The following KIFC1 variants were observed in gnomAD, a reference collection of about 807,000 sequenced individuals.
KIFC1 encodes the protein kinesin family member C1.
Under a neutral mutation model 66.6 loss-of-function variants are expected in KIFC1, and 37 were observed. That is an observed-to-expected ratio of 0.56 (90% CI 0.43 to 0.73). The LOEUF (loss-of-function observed/expected upper bound fraction) is 0.73, where lower values mean the gene tolerates loss of function less well. Ranked by LOEUF, KIFC1 falls within the 30% of genes least tolerant of loss-of-function variation. The pLI is 0.00. For missense variants in KIFC1, 721 were observed against 859.8 expected, an observed-to-expected ratio of 0.84 and a Z score of 2.02; for synonymous variants, 325 against 343.5, an observed-to-expected ratio of 0.95 and a Z score of 0.60.
intron 1 of KIFC1, among the ~76,000 whole-genome samples, chr6:33,394,202 G>A (rs1315928606): frequency 1.3e-5 from 2 of 152,146 alleles, no homozygotes; most frequent in South Asian, 2.1e-4. Flanking sequence ...GAGAACCACT[G>A]GTTTATGATA....
intron 1 of KIFC1, among the ~76,000 whole-genome samples, chr6:33,396,684 C>A (rs1014635535): frequency 4.6e-4 from 61 of 133,690 alleles, no homozygotes; most frequent in African/African-American, 1.4e-3. Context: ...GAATTAATTT[C>A]TTTTTTTTTT....
Position 33,404,930 on chromosome 6 carries a change from C to G in KIFC1, c.835C>G (p.Gln279Glu), listed in dbSNP as rs1463928185. Residue 279 changes from glutamine (Q) to glutamate (E), a missense_variant, in exon 7 of 11, where the codon CAG becomes GAG. By Grantham distance (29) the Gln-to-Glu change is conservative. Coordinates refer to ENST00000428849, the MANE Select transcript of KIFC1 (RefSeq NM_002263.4). This position sits in a 1 kb window ranked among gnomAD's most constrained non-coding sequence, Gnocchi z 4.0. ...VASLRQETVA[Q>E]AALLTEREER... is the part of the protein sequence containing the mutation. ...ATCTCTGCGGCAGGAGACTGTGGCCCAGGCAGCCTTACTGACTGAGCGGGA... is the reference window on the plus strand; with the variant it reads ...ATCTCTGCGGCAGGAGACTGTGGCCGAGGCAGCCTTACTGACTGAGCGGGA... 1 of 1,614,038 alleles carries G rather than the reference C, an allele frequency of 6.2e-7. No individual in the cohort carries two copies. The highest frequency in any genetic ancestry group is 8.5e-7 in the Non-Finnish European group (1 of 1,180,042).
rs756592720 is a variant in KIFC1 at position 33,406,549 on chromosome 6, C to A, written c.1828-43C>A. 6.2e-7 allele frequency: 1 copy of A among 1,613,176 alleles called. No homozygotes were observed. Among genetic ancestry groups the A allele is most frequent in the Admixed American group, 1.7e-5 (1 of 59,978 alleles). ...GACAGTTGGGGTTGGCTGTGCAGAA[C>A]CCTGCCTATTCCTAAACATCTGTCC... On this transcript the variant is annotated intron_variant, in intron 8 of 10. Transcript: ENST00000428849. The surrounding 1 kb of genome is among the most constrained non-coding windows in gnomAD (Gnocchi z 4.5).
rs45588832 is a variant in KIFC1 at position 33,391,857 on chromosome 6, G to A, written c.-129G>A. The A allele has an allele frequency of 1.8e-6, 2 of 1,123,116 alleles. No individual in the cohort carries two copies. Among genetic ancestry groups the A allele is most frequent in the Admixed American group, 4.0e-5 (2 of 49,860 alleles). 69.6% of individuals were successfully genotyped at this position (1,123,116 alleles called of 1,614,324 possible). A position where few individuals can be genotyped will look rare whatever the true frequency, so the allele number is the denominator to read the frequency against. ...AAGTGGCGGGTGTGGCGCGGGGCTGGTAGCGGCCGGAGCCGTGCGAGTTCT... is the reference window on the plus strand; with the variant it reads ...AAGTGGCGGGTGTGGCGCGGGGCTGATAGCGGCCGGAGCCGTGCGAGTTCT... On this transcript the variant is annotated 5_prime_UTR_variant, in exon 1 of 11. Coordinates refer to ENST00000428849, the MANE Select transcript of KIFC1 (RefSeq NM_002263.4).
rs776006873 is a variant in KIFC1, at chr6:33,405,469, A to G, written c.1374A>G (p.Val458=). 6.2e-7 allele frequency: 1 copy of G among 1,610,906 alleles called. No homozygotes were observed. Among genetic ancestry groups the G allele is most frequent in the Non-Finnish European group, 8.5e-7 (1 of 1,178,204 alleles). The change falls in exon 7 of 11, where the codon GTA becomes GTG. Residue 458 remains valine (V), a synonymous_variant. Transcript: ENST00000428849. The surrounding 1 kb of genome is among the most constrained non-coding windows in gnomAD (Gnocchi z 5.4). ...LSGQGWTYSF[V]ASYVEIYNET... is the part of the protein sequence containing the mutation. Reference sequence around the variant, plus strand: ...GTCAGGGCTGGACCTACAGCTTTGTAGCAAGCTACGTAGAGATCTACAATG... The same window carrying G: ...GTCAGGGCTGGACCTACAGCTTTGTGGCAAGCTACGTAGAGATCTACAATG...
intron 10 of KIFC1, 185 bp downstream of exon 10, chr6:33,407,060 G>T: frequency 7.1e-7 from 1 of 1,415,406 alleles, no homozygotes. Flanking sequence ...TTTAAAAAAC[G>T]GGTGATTAAT....
In KIFC1 at chr6:33,409,857, GTT is replaced by G; in HGVS notation, c.*176_*177del. On this transcript the variant is annotated 3_prime_UTR_variant, in exon 11 of 11. Coordinates refer to ENST00000428849, the MANE Select transcript of KIFC1 (RefSeq NM_002263.4). ...GGGCTATCAAATAAAGAATAGTTTG[GTT>G]TTTTTTTTAAATAAAGGTTTTATTA... 1.7e-6 allele frequency: 1 copy of G among 604,048 alleles called. No individual in the cohort carries two copies. Among genetic ancestry groups the G allele is most frequent in the Non-Finnish European group, 2.7e-6 (1 of 364,186 alleles). 37.4% of individuals were successfully genotyped at this position (604,048 alleles called of 1,614,324 possible). A position where few individuals can be genotyped will look rare whatever the true frequency, so the allele number is the denominator to read the frequency against.
rs768229496 is a variant in KIFC1 at position 33,404,989 on chromosome 6, G to A, written c.894G>A (p.Arg298=). Residue 298 remains arginine (R), a synonymous_variant, in exon 7 of 11, where the codon CGG becomes CGA. Transcript: ENST00000428849. The surrounding 1 kb of genome is among the most constrained non-coding windows in gnomAD (Gnocchi z 4.0). ...ERLHGLEMER[R]RLHNQLQELK... ...TTCATGGGCTAGAAATGGAGCGCCGGCGACTGCACAACCAGCTGCAGGAAC... is the reference window on the plus strand; with the variant it reads ...TTCATGGGCTAGAAATGGAGCGCCGACGACTGCACAACCAGCTGCAGGAAC... 9.9e-6 allele frequency: 16 copies of A among 1,613,976 alleles called. No homozygotes were observed. In the East Asian group the frequency reaches 2.2e-4, roughly 22 times the overall value.
At chr6:33,402,284 A>G (rs1775410068) in intron 3 of KIFC1, among the ~76,000 whole-genome samples, 1 of 152,232 alleles carries the variant, frequency 6.6e-6, no homozygotes, top group South Asian at 2.1e-4. Flanking sequence ...ACTAGGCAAT[A>G]GGAATTTTTA....
In KIFC1 at chr6:33,406,588, C is replaced by T. The variant is rs1171497419; in HGVS notation, c.1828-4C>T. ...AAACATCTGTCCCCACCTCAATCATCTAGGAGTCCCACGTGCCTTACCGGA... is the reference window on the plus strand; with the variant it reads ...AAACATCTGTCCCCACCTCAATCATTTAGGAGTCCCACGTGCCTTACCGGA... On this transcript the variant is annotated splice_region_variant and splice_polypyrimidine_tract_variant and intron_variant, in intron 8 of 10. Transcript: ENST00000428849. This position sits in a 1 kb window ranked among gnomAD's most constrained non-coding sequence, Gnocchi z 4.5. The T allele has an allele frequency of 1.2e-6, 2 of 1,614,064 alleles. No individual in the cohort carries two copies. The highest frequency in any genetic ancestry group is 2.2e-5 in the East Asian group (1 of 44,890).
intron 3 of KIFC1, among the ~76,000 whole-genome samples, chr6:33,402,891 G>A (rs1184647610): frequency 6.6e-6 from 1 of 152,202 alleles, no homozygotes; most frequent in Non-Finnish European, 1.5e-5. Context: ...GGAGGCTGAG[G>A]CGGGAGAATC....
intron 1 of KIFC1, among the ~76,000 whole-genome samples, chr6:33,392,800 G>T (rs1486005996): frequency 2.0e-5 from 3 of 152,200 alleles, no homozygotes; most frequent in Non-Finnish European, 4.4e-5. Flanking sequence ...GTAGTATTAT[G>T]TGACAGTAAG....
rs1491259237 is a variant in KIFC1, at chr6:33,403,548, CAT to C, written c.355+15_355+16del. The stretch of plus-strand genomic sequence containing the variant: ...CAGAAGTCTGGCAGTAAGTGACAAA[CAT>C]AACCACTGGGTGAGAGGCTGGGATA... On this transcript the variant is annotated intron_variant, in intron 5 of 10. Coordinates refer to ENST00000428849, the MANE Select transcript of KIFC1 (RefSeq NM_002263.4). This position sits in a 1 kb window ranked among gnomAD's most constrained non-coding sequence, Gnocchi z 4.6. The C allele has an allele frequency of 6.2e-7, 1 of 1,613,498 alleles. No homozygotes were observed. The highest frequency in any genetic ancestry group is 8.5e-7 in the Non-Finnish European group (1 of 1,179,390).
upstream of KIFC1, chr6:33,391,706 C>T (rs187177129): frequency 4.4e-5 from 26 of 592,584 alleles, 1 homozygote; most frequent in South Asian, 2.8e-4. Flanking sequence ...GACAAGGCGC[C>T]TGTCGGGCGG....
At position 33,409,875 on chromosome 6, in the gene KIFC1, G is replaced by T; in HGVS notation, c.*185G>T. On this transcript the variant is annotated 3_prime_UTR_variant, in exon 11 of 11. Transcript: ENST00000428849. ...TAGTTTGGTTTTTTTTTTAAATAAA[G>T]GTTTTATTAGCATTTGCCCAAGAAG... 1.6e-6 allele frequency: 1 copy of T among 612,802 alleles called. No individual in the cohort carries two copies. The highest frequency in any genetic ancestry group is 2.8e-5 in the East Asian group (1 of 36,094). 38.0% of individuals were successfully genotyped at this position (612,802 alleles called of 1,614,324 possible).
intron 10 of KIFC1, among the ~76,000 whole-genome samples, chr6:33,407,490 C>T (rs552414215): frequency 6.6e-6 from 1 of 152,342 alleles, no homozygotes; most frequent in South Asian, 2.1e-4. Context: ...GCCTAGACTC[C>T]ACTATGTAGC....
chr6:33,403,819 A>C lies in KIFC1; in HGVS notation c.446A>C (p.Glu149Ala). ...GGTCAGTTATGTGACCTAAATGCAG[A>C]ACTAAAACGGTGCCGTGAGAGGACT... ...LKGQLCDLNAELKRCRERTQT... is the reference protein window; with the variant it reads ...LKGQLCDLNAALKRCRERTQT... Residue 149 changes from glutamate (E) to alanine (A), a missense_variant, in exon 6 of 11, where the codon GAA becomes GCA. By Grantham distance (107) the Glu-to-Ala change is moderately radical (BLOSUM62 -1). Transcript: ENST00000428849. The surrounding 1 kb of genome is among the most constrained non-coding windows in gnomAD (Gnocchi z 4.6). 6.2e-7 allele frequency: 1 copy of C among 1,614,232 alleles called. No individual in the cohort carries two copies. The highest frequency in any genetic ancestry group is 8.5e-7 in the Non-Finnish European group (1 of 1,180,040).
chr6:33,400,063 C>T lies in KIFC1; in HGVS notation c.250+1676C>T. ...TTGAAATATTTTCCTTTGTGCTTAA[C>T]TAGCTGGGCATTCCACAGCACCACT... On this transcript the variant is annotated intron_variant, in intron 3 of 10. Coordinates refer to ENST00000428849, the MANE Select transcript of KIFC1 (RefSeq NM_002263.4). The surrounding 1 kb of genome is among the most constrained non-coding windows in gnomAD (Gnocchi z 4.3). 1 of 715,684 alleles carries T rather than the reference C, an allele frequency of 1.4e-6. No homozygotes were observed. The highest frequency in any genetic ancestry group is 1.5e-5 in the South Asian group (1 of 67,890). The allele number at this position is 715,684 out of a possible 1,614,324, so 44.3% of individuals were successfully genotyped here. A position where few individuals can be genotyped will look rare whatever the true frequency, so the allele number is the denominator to read the frequency against.
intron 1 of KIFC1, among the ~76,000 whole-genome samples, chr6:33,394,819 G>A (rs962947695): frequency 6.6e-6 from 1 of 152,228 alleles, no homozygotes; most frequent in African/African-American, 2.4e-5. Context: ...CAGTATAGGT[G>A]CAGGATCGAG....
Sources: allele counts gnomAD v4.1 joint callset (sites outside exome capture counted in the v4.1 genomes callset), GRCh38; gene constraint gnomAD v4.1.1; non-coding constraint Gnocchi (gnomAD v3.1); transcripts MANE v1.5; gene names NCBI Gene and HGNC (gene_info 2026-07-23, HGNC 2026-07-21).